Variants in NUCKS1 observed in about 807,000 individuals in gnomAD.
NUCKS1 encodes the protein nuclear casein kinase and cyclin dependent kinase substrate 1.
Under a neutral mutation model 33.0 loss-of-function variants are expected in NUCKS1, and 2 were observed. The ratio of observed to expected loss-of-function variants is 0.06; its 90% CI spans 0.02 to 0.19. The LOEUF is 0.19. Ranked by LOEUF, NUCKS1 falls within the 10% of genes least tolerant of loss-of-function variation. NUCKS1 has a pLI of 1.00. For synonymous variants in NUCKS1, 106 were observed against 102.8 expected (o/e 1.03, Z -0.19); for missense variants, 201 against 293.6 (o/e 0.68, Z 2.31).
chr1:205,718,044 A>C lies in NUCKS1; in HGVS notation c.*236T>G, dbSNP rs980414033. The C allele has an allele frequency of 4.3e-6, 5 of 1,156,324 alleles. No individual in the cohort carries two copies. Among genetic ancestry groups the C allele is most frequent in the Non-Finnish European group, 5.3e-6 (5 of 943,192 alleles). 71.6% of individuals were successfully genotyped at this position (1,156,324 alleles called of 1,614,324 possible). On this transcript the variant is annotated 3_prime_UTR_variant, in exon 7 of 7. Transcript: ENST00000367142. Reference sequence around the variant, plus strand: ...AGGGCTGGCAAAGAGACCAATAGACAAAAAGGTAACTTAAACACTTACACA... The same window carrying C: ...AGGGCTGGCAAAGAGACCAATAGACCAAAAGGTAACTTAAACACTTACACA...
At chr1:205,735,720 C>T (rs750514655) in intron 1 of NUCKS1, among the ~76,000 whole-genome samples, 1 of 152,130 alleles carries the variant, frequency 6.6e-6, no homozygotes, top group African/African-American at 2.4e-5. Flanking sequence ...AACATTTGTG[C>T]AAGGTATATA....
intron 1 of NUCKS1, among the ~76,000 whole-genome samples, chr1:205,737,024 G>A (rs978689720): frequency 2.4e-4 from 37 of 151,862 alleles, no homozygotes; most frequent in African/African-American, 8.5e-4. Flanking sequence ...TAAATACTAG[G>A]GCTCCTTTTT....
rs751982156 is a variant in NUCKS1 at position 205,750,005 on chromosome 1, G to A, written c.-32C>T. ...TGTCGAAACAGGACCGAGTCGAGAA[G>A]CCAAAGACCAGGACCCCCCCCACCC... On this transcript the variant is annotated 5_prime_UTR_variant, in exon 1 of 7. Coordinates refer to ENST00000367142, the MANE Select transcript of NUCKS1 (RefSeq NM_022731.5). 29 of 1,593,154 alleles carry A rather than the reference G, an allele frequency of 1.8e-5. No individual in the cohort carries two copies. The highest frequency in any genetic ancestry group is 2.2e-5 in the Non-Finnish European group (26 of 1,168,314).
intron 1 of NUCKS1, among the ~76,000 whole-genome samples, chr1:205,747,768 A>C (rs1200645512): frequency 6.6e-6 from 1 of 152,238 alleles, no homozygotes; most frequent in Non-Finnish European, 1.5e-5. Context: ...TGTTAAATGC[A>C]CTAAGGGAAT....
chr1:205,747,482 A>G (rs939514726), intron 1 of NUCKS1, among the ~76,000 whole-genome samples: 14 of 152,252 alleles, frequency 9.2e-5, no homozygotes, highest in African/African-American at 2.7e-4. Context: ...AGTAGCCAAT[A>G]GGTCCACCAT....
rs191774191 is a variant in NUCKS1, at chr1:205,736,692, G to A, written c.18-7071C>T. Reference sequence around the variant, plus strand: ...ATAAAAAATAAAAAATTAGCCCGGCGTGGTTGTAGGCGCCTGTAATCCCAG... The same window carrying A: ...ATAAAAAATAAAAAATTAGCCCGGCATGGTTGTAGGCGCCTGTAATCCCAG... On this transcript the variant is annotated intron_variant, in intron 1 of 6. Transcript: ENST00000367142. Among the ~76,000 whole-genome samples, 595 of 152,122 alleles carry A rather than the reference G, an allele frequency of 3.9e-3. 8 individuals carry two copies. Among genetic ancestry groups the A allele is most frequent in the Admixed American group, 5.6e-3 (85 of 15,262 alleles).
intron 3 of NUCKS1, 31 bp downstream of exon 3, chr1:205,727,669 T>A: frequency 7.1e-7 from 1 of 1,406,742 alleles, no homozygotes; most frequent in East Asian, 2.3e-5. Flanking sequence ...GGTAACAGTG[T>A]AAGCAGGAAC....
chr1:205,723,539 T>C (rs1671956436), intron 4 of NUCKS1, among the ~76,000 whole-genome samples: 1 of 152,190 alleles, frequency 6.6e-6, no homozygotes, highest in Non-Finnish European at 1.5e-5. Flanking sequence ...CCACTCCCCC[T>C]TTTTATGCCC....
At chr1:205,749,089 C>T (rs1280201911) in intron 1 of NUCKS1, among the ~76,000 whole-genome samples, 1 of 152,092 alleles carries the variant, frequency 6.6e-6, no homozygotes, top group African/African-American at 2.4e-5. Flanking sequence ...CACTCGGGGA[C>T]AAGAGGGTTA....
intron 1 of NUCKS1, among the ~76,000 whole-genome samples, chr1:205,744,367 G>T (rs1034140661): frequency 5.9e-5 from 9 of 152,160 alleles, no homozygotes; most frequent in African/African-American, 1.9e-4. Context: ...TAAGAGTTGT[G>T]CATGATTTTG....
rs780741085 is a variant in NUCKS1 at position 205,718,352 on chromosome 1, T to C, written c.660A>G (p.Thr220=). 15 of 1,613,836 alleles carry C rather than the reference T, an allele frequency of 9.3e-6. No homozygotes were observed. Among genetic ancestry groups the C allele is most frequent in the Non-Finnish European group, 1.2e-5 (14 of 1,179,960 alleles). ...EEPESPPEKK[T]STSPPPEKSG... ...ATTTCTCGGGTGGGGGGCTTGTAGA[T>C]GTTTTCTTTTCTGGCGGGCTTTCCG... is the stretch of plus-strand genomic sequence containing the variant. The change falls in exon 7 of 7, where the codon ACA becomes ACG. Residue 220 remains threonine, a synonymous_variant. Coordinates refer to ENST00000367142, the MANE Select transcript of NUCKS1 (RefSeq NM_022731.5).
intron 1 of NUCKS1, among the ~76,000 whole-genome samples, chr1:205,732,211 C>T (rs926031341): frequency 2.0e-5 from 3 of 152,148 alleles, no homozygotes; most frequent in Non-Finnish European, 2.9e-5. Context: ...ATAAAATATA[C>T]TCCAACTATA....
intron 1 of NUCKS1, 93 bp downstream of exon 1, chr1:205,749,864 G>T: frequency 7.3e-7 from 1 of 1,363,976 alleles, no homozygotes; most frequent in Non-Finnish European, 1.0e-6. Context: ...GCGGCACCGG[G>T]GATGGCGGAC....
intron 1 of NUCKS1, among the ~76,000 whole-genome samples, chr1:205,748,695 A>C (rs4951261): frequency 0.34 from 52,463 of 152,120 alleles, 9,442 homozygotes; most frequent in Admixed American, 0.41. Context: ...AGAACGGTGT[A>C]GAACAAAACC....
At chr1:205,734,658 C>A (rs931424372) in intron 1 of NUCKS1, among the ~76,000 whole-genome samples, 3 of 152,120 alleles carry the variant, frequency 2.0e-5, no homozygotes, top group African/African-American at 4.8e-5. Flanking sequence ...CTTTGGGAGG[C>A]CAAGGTGGGT....
intron 5 of NUCKS1, 126 bp downstream of exon 5, chr1:205,720,375 C>G: frequency 1.2e-6 from 1 of 861,130 alleles, no homozygotes; most frequent in Non-Finnish European, 1.8e-6. Context: ...TCTTTTAACA[C>G]GGAGTATCTA....
chr1:205,721,541 TGAGA>T (rs907269170), intron 4 of NUCKS1, among the ~76,000 whole-genome samples: 1 of 152,200 alleles, frequency 6.6e-6, no homozygotes, highest in Non-Finnish European at 1.5e-5. Context: ...TAACATAGTA[TGAGA>T]GAGAAAGAAT....
chr1:205,748,382 C>T (rs954387554), intron 1 of NUCKS1, among the ~76,000 whole-genome samples: 1 of 152,162 alleles, frequency 6.6e-6, no homozygotes, highest in Admixed American at 6.6e-5. Context: ...GACAAAAGAT[C>T]CAATCCAGGT....
intron 1 of NUCKS1, among the ~76,000 whole-genome samples, chr1:205,743,377 T>A (rs896768849): frequency 1.8e-4 from 28 of 152,172 alleles, no homozygotes; most frequent in African/African-American, 6.8e-4. Context: ...CTGAAATCCG[T>A]TTCCTGATAC....
Sources: allele counts gnomAD v4.1 joint callset (sites outside exome capture counted in the v4.1 genomes callset), GRCh38; gene constraint gnomAD v4.1.1; transcripts MANE v1.5; gene names NCBI Gene and HGNC (gene_info 2026-07-23, HGNC 2026-07-21).